ARHGAP8: variants seen among roughly 807,000 people sequenced by gnomAD.
The protein encoded by ARHGAP8 is rho GTPase-activating protein 8.
In ARHGAP8, 62 loss-of-function variants were observed where a neutral mutation model predicts 46.1. The observed-to-expected ratio is 1.34, with a 90% CI of 1.10 to 1.66. The LOEUF (loss-of-function observed/expected upper bound fraction) is 1.66, where lower values mean the gene tolerates loss of function less well. Among genes scored for constraint, ARHGAP8 ranks in the 40% most tolerant of loss-of-function variants. ARHGAP8 has a pLI of 0.00. For missense variants in ARHGAP8, 923 were observed against 568.4 expected, an observed-to-expected ratio of 1.62 and a Z score of -6.34; for synonymous variants, 375 against 243.1, an observed-to-expected ratio of 1.54 and a Z score of -5.05.
intron 1 of ARHGAP8, among the ~76,000 whole-genome samples, chr22:44,755,031 C>G (rs896976806): frequency 3.9e-5 from 6 of 152,178 alleles, no homozygotes; most frequent in African/African-American, 7.2e-5. Context: ...ATTGGCTGTC[C>G]TTCCCCACTG....
intron 1 of ARHGAP8, among the ~76,000 whole-genome samples, chr22:44,772,542 A>G (rs1273509622): frequency 6.6e-6 from 1 of 151,382 alleles, no homozygotes; most frequent in Non-Finnish European, 1.5e-5. Context: ...CTTGTTGGTC[A>G]TGATAGGTTG....
rs549713959 is a variant in ARHGAP8 at position 44,780,285 on chromosome 22, A to T, written c.-71-6172A>T. 2.6e-5 allele frequency among the ~76,000 whole-genome samples: 4 copies of T among 152,284 alleles called. No homozygotes were observed. In the South Asian group the frequency reaches 6.2e-4, roughly 24 times the overall value. On this transcript the variant is annotated intron_variant, in intron 1 of 11. Transcript: ENST00000356099. ...GGCAAGAGGATCTCTTGAGCCCAGG[A>T]GGCCAAGGCTGCAGTGAGCTGTGAT... is the stretch of plus-strand genomic sequence containing the variant.
intron 5 of ARHGAP8, among the ~76,000 whole-genome samples, chr22:44,816,884 CT>C (rs981732386): frequency 0.071 from 8,109 of 114,880 alleles, 151 homozygotes; most frequent in Non-Finnish European, 0.11. Context: ...TTCTTTCTTT[CT>C]TTTTTTTTTT....
At chr22:44,846,850 GC>G (rs2069969538) in intron 8 of ARHGAP8, among the ~76,000 whole-genome samples, 1 of 151,940 alleles carries the variant, frequency 6.6e-6, no homozygotes, top group South Asian at 2.1e-4. Flanking sequence ...CAGGGAGAAG[GC>G]CCTGCCAGAC....
chr22:44,851,717 G>A (rs1168984567), intron 10 of ARHGAP8, among the ~76,000 whole-genome samples: 1 of 152,084 alleles, frequency 6.6e-6, no homozygotes, highest in African/African-American at 2.4e-5. Flanking sequence ...GTGTATGCCT[G>A]TAGTCCCAGC....
chr22:44,793,349 A>T (rs943248776), intron 2 of ARHGAP8, among the ~76,000 whole-genome samples: 6 of 152,082 alleles, frequency 3.9e-5, no homozygotes, highest in African/African-American at 1.4e-4. Flanking sequence ...GGTGAGTGGC[A>T]GGGGAGAGGG....
chr22:44,771,988 G>A (rs1047470005), intron 1 of ARHGAP8, among the ~76,000 whole-genome samples: 5 of 152,110 alleles, frequency 3.3e-5, no homozygotes, highest in African/African-American at 4.8e-5. Context: ...TGTTCTGAGC[G>A]CTTTCAGTCT....
intron 11 of ARHGAP8, among the ~76,000 whole-genome samples, chr22:44,860,210 C>T (rs563848513): frequency 3.9e-5 from 6 of 152,240 alleles, no homozygotes; most frequent in East Asian, 3.9e-4. Flanking sequence ...CTGACCATTC[C>T]TGGGGAAGGG....
intron 9 of ARHGAP8, among the ~76,000 whole-genome samples, chr22:44,848,529 G>A (rs558201208): frequency 2.0e-5 from 3 of 152,350 alleles, no homozygotes; most frequent in East Asian, 3.9e-4. Flanking sequence ...ACTCGCTCCC[G>A]TCATCAGTTG....
intron 11 of ARHGAP8, among the ~76,000 whole-genome samples, chr22:44,861,435 T>G (rs1192971840): frequency 6.6e-6 from 1 of 152,116 alleles, no homozygotes; most frequent in Non-Finnish European, 1.5e-5. Context: ...GCCTGGCTGG[T>G]GCACACCTGC....
At chr22:44,811,176 G>A (rs1001593693) in intron 4 of ARHGAP8, among the ~76,000 whole-genome samples, 7 of 152,328 alleles carry the variant, frequency 4.6e-5, no homozygotes, top group Middle Eastern at 6.8e-3. Flanking sequence ...GGTCACTCCC[G>A]CTTGGGAGAA....
rs79504127 is a variant in ARHGAP8 at position 44,827,914 on chromosome 22, T to C, written c.596+2321T>C. Among the ~76,000 whole-genome samples, 1,411 of 152,280 alleles carry C rather than the reference T, an allele frequency of 9.3e-3. 23 individuals carry two copies. The highest frequency in any genetic ancestry group is 0.032 in the African/African-American group (1,327 of 41,566). On this transcript the variant is annotated intron_variant, in intron 7 of 11. Coordinates refer to ENST00000356099, the MANE Select transcript of ARHGAP8 (RefSeq NM_181335.3). The stretch of plus-strand genomic sequence containing the variant: ...CCCAGCGTCGGTCCCTAGACCAGCA[T>C]TATCTGATGGAACTCTCTGTCAGGA...
intron 4 of ARHGAP8, among the ~76,000 whole-genome samples, chr22:44,811,889 CG>C (rs2147098128): frequency 6.6e-6 from 1 of 151,598 alleles, no homozygotes; most frequent in South Asian, 2.1e-4. Flanking sequence ...CTCTGCTACT[CG>C]GGAGGCTGAG....
In ARHGAP8 at chr22:44,776,831, G is replaced by A. The variant is rs899910313; in HGVS notation, c.-71-9626G>A. On this transcript the variant is annotated intron_variant, in intron 1 of 11. Transcript: ENST00000356099. ...GGGTGCATGGGAAGAGGTGTTTGCTGTTGCTTGTAACTCACCCCTCCTTCC... is the reference window on the plus strand; with the variant it reads ...GGGTGCATGGGAAGAGGTGTTTGCTATTGCTTGTAACTCACCCCTCCTTCC... Among the ~76,000 whole-genome samples the A allele has an allele frequency of 8.5e-5, 13 of 152,056 alleles. 1 individual carries two copies. In the South Asian group the frequency reaches 1.0e-3, roughly 12 times the overall value.
chr22:44,801,881 A>C (rs941492030), intron 2 of ARHGAP8, 196 bp from the exon 3 acceptor site: 23 of 606,970 alleles, frequency 3.8e-5, no homozygotes, highest in Non-Finnish European at 4.1e-5. Flanking sequence ...ACGGCTGGTC[A>C]TGAAGATGAA....
At chr22:44,774,207 A>C (rs1926249233) in intron 1 of ARHGAP8, among the ~76,000 whole-genome samples, 1 of 152,170 alleles carries the variant, frequency 6.6e-6, no homozygotes, top group African/African-American at 2.4e-5. Flanking sequence ...GGTTTTCAAC[A>C]GTCACGGGGT....
At chr22:44,825,646 T>C in intron 7 of ARHGAP8, 53 bp downstream of exon 7, 1 of 1,557,652 alleles carries the variant, frequency 6.4e-7, no homozygotes. Flanking sequence ...CTGGGAGCTG[T>C]GGGGCGCTTC....
chr22:44,772,928 C>T (rs1048294938), intron 1 of ARHGAP8, among the ~76,000 whole-genome samples: 1 of 151,124 alleles, frequency 6.6e-6, no homozygotes, highest in African/African-American at 2.4e-5. Context: ...AAGCGGTCCT[C>T]CTACTTCAGC....
In ARHGAP8 at chr22:44,862,451, A is replaced by G. The variant is rs752772421; in HGVS notation, c.1158A>G (p.Ala386=). The G allele has an allele frequency of 6.2e-7, 1 of 1,613,970 alleles. No homozygotes were observed. Residue 386 remains alanine, a synonymous_variant, in exon 12 of 12, where the codon GCA becomes GCG. Coordinates refer to ENST00000356099, the MANE Select transcript of ARHGAP8 (RefSeq NM_181335.3). ...AAAAGATCTTCAGCACCCCGGAGGC[A>G]CCTGGGGAGCACGGCCTGGCACCAT... is the stretch of plus-strand genomic sequence containing the variant. The part of the protein sequence containing the change: ...YYEKIFSTPE[A]PGEHGLAPWE...
Sources: gnomAD v4.1 joint callset for allele counts (sites outside exome capture counted in the v4.1 genomes callset) on GRCh38, gnomAD v4.1.1 for gene constraint, MANE v1.5 for transcripts, NCBI Gene and HGNC (gene_info 2026-07-23, HGNC 2026-07-21) for gene names.